Variants in S100Z observed in about 807,000 individuals in gnomAD.
S100Z encodes S100 calcium binding protein Z.
Under a neutral mutation model 8.5 loss-of-function variants are expected in S100Z, and 11 were observed. That is an observed-to-expected ratio of 1.30 (90% CI 0.82 to 2.15). The LOEUF is 2.15. S100Z is among the 30% of genes most tolerant of loss of function. The pLI, the probability that S100Z is intolerant of heterozygous loss-of-function variation, is 0.00. For synonymous variants in S100Z, 34 were observed against 43.8 expected (o/e 0.78, Z 0.89); for missense variants, 126 against 117.9 (o/e 1.07, Z -0.32).
At chr5:76,869,476 A>T (rs979691002) in intron 1 of S100Z, among the ~76,000 whole-genome samples, 5 of 152,198 alleles carry the variant, frequency 3.3e-5, no homozygotes, top group African/African-American at 4.8e-5. Context: ...CTGCAAAGGC[A>T]TGGAAGAATG....
chr5:76,945,288 C>T, the S100Z span, among the ~76,000 whole-genome samples: 1 of 152,140 alleles, frequency 6.6e-6, no homozygotes, highest in African/African-American at 2.4e-5. Flanking sequence ...GGGTATTGTC[C>T]AAGGTTTCTT....
At chr5:76,947,264 G>A in the S100Z span, among the ~76,000 whole-genome samples, 2 of 151,520 alleles carry the variant, frequency 1.3e-5, no homozygotes, top group East Asian at 1.9e-4. Flanking sequence ...TTTGGCTTAC[G>A]CTCAAGTTTG....
At chr5:76,901,639 G>T (rs530092793) in intron 4 of S100Z, among the ~76,000 whole-genome samples, 1 of 151,924 alleles carries the variant, frequency 6.6e-6, no homozygotes, top group Non-Finnish European at 1.5e-5. Flanking sequence ...CCTCTGGCCC[G>T]GGGAGGGTCC....
chr5:76,872,893 A>G (rs1214144244), intron 2 of S100Z, among the ~76,000 whole-genome samples: 1 of 152,112 alleles, frequency 6.6e-6, no homozygotes, highest in African/African-American at 2.4e-5. Flanking sequence ...GAATTGTCTG[A>G]GCCCAGGAGG....
intron 1 of S100Z, among the ~76,000 whole-genome samples, chr5:76,867,596 C>CTT (rs746426436): frequency 2.4e-5 from 3 of 126,776 alleles, no homozygotes; most frequent in South Asian, 2.5e-4. Context: ...TTTTTTTTTT[C>CTT]TTTTTTTTTT....
At position 76,873,941 on chromosome 5, in the gene S100Z, A is replaced by G. The variant is rs116788494; in HGVS notation, c.-56-1363A>G. 9.6e-3 allele frequency among the ~76,000 whole-genome samples: 1,461 copies of G among 152,208 alleles called. 21 individuals carry two copies. The highest frequency in any genetic ancestry group is 0.034 in the African/African-American group (1,393 of 41,546). ...CTCTGAGGTTTATTTCAACTTTTTT[A>G]TTAGGTAATACATTCCTATAACTGA... On this transcript the variant is annotated intron_variant, in intron 2 of 4. Coordinates refer to ENST00000317593, the MANE Select transcript of S100Z (RefSeq NM_130772.4).
chr5:76,884,123 T>C (rs991062685), intron 4 of S100Z, among the ~76,000 whole-genome samples: 1 of 152,182 alleles, frequency 6.6e-6, no homozygotes, highest in Non-Finnish European at 1.5e-5. Flanking sequence ...ATAAAATGCA[T>C]ATTGAGATTA....
chr5:76,936,728 GC>G, the S100Z span, among the ~76,000 whole-genome samples: 1 of 151,640 alleles, frequency 6.6e-6, no homozygotes, highest in African/African-American at 2.4e-5. Context: ...TGGTAGGCTC[GC>G]AAAAGCCTAA....
chr5:76,883,168 A>G (rs1199425420), intron 4 of S100Z, among the ~76,000 whole-genome samples: 1 of 152,034 alleles, frequency 6.6e-6, no homozygotes, highest in Non-Finnish European at 1.5e-5. Flanking sequence ...TTAGGTTTTA[A>G]TGGGATGGTA....
At chr5:76,939,934 C>T in the S100Z span, among the ~76,000 whole-genome samples, 38 of 151,838 alleles carry the variant, frequency 2.5e-4, no homozygotes, top group African/African-American at 8.2e-4. Context: ...CTGAGGCGGG[C>T]GGATCACGAG....
the S100Z span, among the ~76,000 whole-genome samples, chr5:76,943,486 G>A: frequency 3.3e-5 from 5 of 152,136 alleles, no homozygotes; most frequent in Admixed American, 2.6e-4. Context: ...TTAAAACCAC[G>A]GCAGGACCTT....
chr5:76,853,796 TA>T (rs769640944), intron 1 of S100Z, among the ~76,000 whole-genome samples: 2,732 of 137,626 alleles, frequency 0.02, 33 homozygotes, highest in South Asian at 0.051. Flanking sequence ...GACTCCATCT[TA>T]AAAAAAAAAA....
chr5:76,952,827 C>T, the S100Z span: 1 of 354,412 alleles, frequency 2.8e-6, no homozygotes, highest in Non-Finnish European at 5.2e-6. Context: ...CATTCTCCAA[C>T]ACTTTAGTGC....
intron 4 of S100Z, among the ~76,000 whole-genome samples, chr5:76,879,175 T>TTCC (rs1743302757): frequency 6.6e-6 from 1 of 152,206 alleles, no homozygotes; most frequent in African/African-American, 2.4e-5. Flanking sequence ...TGTTGAGTCT[T>TTCC]TCCTTGTCTT....
chr5:76,867,899 G>T (rs1336589323), intron 1 of S100Z, among the ~76,000 whole-genome samples: 6 of 152,054 alleles, frequency 3.9e-5, no homozygotes, highest in African/African-American at 1.4e-4. Context: ...TTACCTTTAA[G>T]CTCCCCCCAA....
chr5:76,859,768 CAAAAAAAA>C (rs70982653), intron 1 of S100Z, among the ~76,000 whole-genome samples: 1 of 97,664 alleles, frequency 1.0e-5, no homozygotes. Flanking sequence ...GCAACAGAGC[CAAAAAAAA>C]AAAAAAAAAG....
chr5:76,919,754 A>G (rs1360047213), intron 4 of S100Z, among the ~76,000 whole-genome samples: 2 of 151,408 alleles, frequency 1.3e-5, no homozygotes, highest in Non-Finnish European at 2.9e-5. Flanking sequence ...CTACAAGTGC[A>G]TGCCACCATA....
chr5:76,873,620 G>A (rs1052774296), intron 2 of S100Z, among the ~76,000 whole-genome samples: 1 of 152,096 alleles, frequency 6.6e-6, no homozygotes, highest in Admixed American at 6.6e-5. Context: ...AAAATTTTGT[G>A]TTAGGTGTAC....
intron 4 of S100Z, among the ~76,000 whole-genome samples, chr5:76,896,327 T>C (rs1744037645): frequency 6.6e-6 from 1 of 152,236 alleles, no homozygotes; most frequent in Non-Finnish European, 1.5e-5. Flanking sequence ...TTTAACATAA[T>C]GATCTTCAGT....
Sources: allele counts gnomAD v4.1 joint callset (sites outside exome capture counted in the v4.1 genomes callset), GRCh38; gene constraint gnomAD v4.1.1; transcripts MANE v1.5; gene names NCBI Gene and HGNC (gene_info 2026-07-23, HGNC 2026-07-21).